The following ALOX15B variants were observed in gnomAD, a reference collection of about 807,000 sequenced individuals.
ALOX15B encodes the protein polyunsaturated fatty acid lipoxygenase ALOX15B.
Under a neutral mutation model 73.8 loss-of-function variants are expected in ALOX15B, and 74 were observed. That is an observed-to-expected ratio of 1.00 (90% CI 0.83 to 1.22). ALOX15B has a LOEUF of 1.22. Among genes scored for constraint, ALOX15B ranks in the 50% most tolerant of loss-of-function variants. ALOX15B has a pLI of 0.00. For missense variants in ALOX15B, 896 were observed against 859.9 expected, an observed-to-expected ratio of 1.04 and a Z score of -0.52; for synonymous variants, 353 against 357.2, an observed-to-expected ratio of 0.99 and a Z score of 0.13.
In ALOX15B at chr17:8,039,407, C is replaced by CTGCT; in HGVS notation, c.170_171insGCTT (p.Pro58LeufsTer108). On this transcript the variant is annotated frameshift_variant, in exon 2 of 14. Coordinates refer to ENST00000380183, the MANE Select transcript of ALOX15B (RefSeq NM_001141.3). LOFTEE classifies it high-confidence loss of function. ...TCAGGAGGAGGACTTCCAGGTGACG[C>CTGCT]TCCCGGAGGACGTAGGCCGAGTGCT... 1 of 1,612,952 alleles carries CTGCT rather than the reference C, an allele frequency of 6.2e-7. No individual in the cohort carries two copies. Among genetic ancestry groups the CTGCT allele is most frequent in the Non-Finnish European group, 8.5e-7 (1 of 1,179,530 alleles).
chr17:8,045,805 G>A, intron 8 of ALOX15B, 119 bp downstream of exon 8: 1 of 1,133,754 alleles, frequency 8.8e-7, no homozygotes, highest in South Asian at 1.5e-5. Context: ...GTCCGCTTCA[G>A]CAGCATCTCC....
At chr17:8,045,105 A>G (rs946725695) in intron 6 of ALOX15B, 104 bp downstream of exon 6, 1 of 1,584,356 alleles carries the variant, frequency 6.3e-7, no homozygotes, top group African/African-American at 1.3e-5. Flanking sequence ...TTAGGGACCT[A>G]CCGCGTGCTG....
chr17:8,040,269 C>T (rs1002282581), intron 3 of ALOX15B, among the ~76,000 whole-genome samples: 1 of 152,124 alleles, frequency 6.6e-6, no homozygotes, highest in Middle Eastern at 3.4e-3. Context: ...GGGCCAGGTG[C>T]CGTGGTGGCT....
intron 12 of ALOX15B, 35 bp downstream of exon 12, chr17:8,047,699 G>C (rs991437093): frequency 6.2e-7 from 1 of 1,613,746 alleles, no homozygotes; most frequent in Non-Finnish European, 8.5e-7. Flanking sequence ...TGGCAGGCTG[G>C]AGGTGACCCA....
intron 10 of ALOX15B, 31 bp from the exon 11 acceptor site, chr17:8,047,227 G>A (rs1363789605): frequency 3.1e-6 from 5 of 1,613,634 alleles, no homozygotes; most frequent in African/African-American, 2.7e-5. Context: ...GTCGGGGTTG[G>A]AGGCTGGACC....
At position 8,047,881 on chromosome 17, in the gene ALOX15B, CTCT is replaced by C; in HGVS notation, c.1818_1820del (p.Leu607del). On this transcript the variant is annotated inframe_deletion, in exon 13 of 14. Coordinates refer to ENST00000380183, the MANE Select transcript of ALOX15B (RefSeq NM_001141.3). Reference sequence around the variant, plus strand: ...AATGCCACATGTGATGTCATCCTTGCTCTCTGGTTGCTGAGCAAGGAGCCTGGA... The same window carrying C: ...AATGCCACATGTGATGTCATCCTTGCCTGGTTGCTGAGCAAGGAGCCTGGA... 3.1e-6 allele frequency: 5 copies of C among 1,614,194 alleles called. No individual in the cohort carries two copies. Among genetic ancestry groups the C allele is most frequent in the Non-Finnish European group, 4.2e-6 (5 of 1,180,022 alleles).
rs1437940320 is a variant in ALOX15B, at chr17:8,042,416, C to T, written c.497C>T (p.Thr166Ile). The change falls in exon 4 of 14, where the codon ACA becomes ATA. Residue 166 changes from threonine (T) to isoleucine (I), a missense_variant. Thr to Ile is a moderately conservative substitution (Grantham distance 89, BLOSUM62 -1). Coordinates refer to ENST00000380183, the MANE Select transcript of ALOX15B (RefSeq NM_001141.3). The stretch of plus-strand genomic sequence containing the variant: ...TGGCCTCACTGCCTGGATGAAAAGA[C>T]AGTGGAAGACTTGGAGCTCAATATC... ...PGWPHCLDEKTVEDLELNIKY... is the reference protein window; with the variant it reads ...PGWPHCLDEKIVEDLELNIKY... The T allele has an allele frequency of 6.2e-7, 1 of 1,614,144 alleles. No homozygotes were observed.
Position 8,047,748 on chromosome 17 carries a change from G to C in ALOX15B, c.1684G>C (p.Asp562His). The change falls in exon 13 of 14, where the codon GAC (aspartate) becomes CAC (histidine). Residue 562 changes from aspartate (D) to histidine (H), a missense_variant. By Grantham distance (81) the Asp-to-His change is moderately conservative (BLOSUM62 -1). Transcript: ENST00000380183. The part of the protein sequence containing the change: ...KHAAVSAGQF[D>H]SCAWMPNLPP... ...ATTCTGCCCTCTCGGCCTTCAGTTT[G>C]ACTCCTGTGCTTGGATGCCCAACCT... 6.2e-7 allele frequency: 1 copy of C among 1,614,136 alleles called. No individual in the cohort carries two copies. Among genetic ancestry groups the C allele is most frequent in the East Asian group, 2.2e-5 (1 of 44,880 alleles).
rs1419920620 is a variant in ALOX15B, at chr17:8,048,592, A to C, written c.*27A>C. The C allele has an allele frequency of 1.2e-6, 2 of 1,608,110 alleles. No homozygotes were observed. Among genetic ancestry groups the C allele is most frequent in the Non-Finnish European group, 1.7e-6 (2 of 1,176,544 alleles). ...TCCCAGGGGAACACAGGCCCAGATG[A>C]CATCCCTTTGACCACATCGCTCTAG... On this transcript the variant is annotated 3_prime_UTR_variant, in exon 14 of 14. Coordinates refer to ENST00000380183, the MANE Select transcript of ALOX15B (RefSeq NM_001141.3).
chr17:8,039,108 C>T lies in ALOX15B; in HGVS notation c.-48C>T, dbSNP rs1243517820. On this transcript the variant is annotated 5_prime_UTR_variant, in exon 1 of 14. Transcript: ENST00000380183. ...CCAGGCGTGTCCCAGGGGGGAGCCCCGCTCTGCAGCCCTGTGCGCCGTAGA... is the reference window on the plus strand; with the variant it reads ...CCAGGCGTGTCCCAGGGGGGAGCCCTGCTCTGCAGCCCTGTGCGCCGTAGA... 4 of 1,584,740 alleles carry T rather than the reference C, an allele frequency of 2.5e-6. No individual in the cohort carries two copies. Among genetic ancestry groups the T allele is most frequent in the Non-Finnish European group, 3.4e-6 (4 of 1,167,484 alleles).
intron 3 of ALOX15B, 132 bp downstream of exon 3, chr17:8,040,115 C>CTTT: frequency 1.2e-6 from 1 of 807,414 alleles, no homozygotes; most frequent in Non-Finnish European, 1.9e-6. Flanking sequence ...GGATCAGCAG[C>CTTT]GTCTACAGGA....
chr17:8,044,958 C>A lies in ALOX15B; in HGVS notation c.806C>A (p.Ala269Asp). The A allele has an allele frequency of 1.1e-5, 17 of 1,614,114 alleles. No individual in the cohort carries two copies. The highest frequency in any genetic ancestry group is 1.4e-5 in the Non-Finnish European group (17 of 1,180,012). ...KNFPVTDAMV[A>D]SVLGPGTSLQ... ...TTCCCCGTCACTGATGCCATGGTGG[C>A]CTCAGTGTTGGGTCCTGGGACCAGC... Residue 269 changes from alanine to aspartate, a missense_variant, in exon 6 of 14, where the codon GCC (alanine) becomes GAC (aspartate). Transcript: ENST00000380183.
Position 8,045,512 on chromosome 17 carries a change from C to T in ALOX15B, c.1026C>T (p.Pro342=), listed in dbSNP as rs1008341545. 1.9e-6 allele frequency: 3 copies of T among 1,614,108 alleles called. No individual in the cohort carries two copies. Among genetic ancestry groups the T allele is most frequent in the South Asian group, 1.1e-5 (1 of 91,084 alleles). ...GCCAGACCCCCGGCCCAAACAGCCC[C>T]ATCTTCCTGCCCACTGATGACAAGT... ...QLSQTPGPNS[P]IFLPTDDKWD... Residue 342 remains proline (P), a synonymous_variant, in exon 8 of 14, where the codon CCC becomes CCT. Coordinates refer to ENST00000380183, the MANE Select transcript of ALOX15B (RefSeq NM_001141.3).
chr17:8,042,601 C>T (rs72842909), intron 4 of ALOX15B, 110 bp downstream of exon 4: 97,439 of 1,479,446 alleles, frequency 0.066, 3,705 homozygotes, highest in East Asian at 0.14. Flanking sequence ...GTCACATAGT[C>T]CTGCCCAGGA....
At chr17:8,046,199 A>G (rs951532610) in intron 8 of ALOX15B, among the ~76,000 whole-genome samples, 16 of 152,176 alleles carry the variant, frequency 1.1e-4, no homozygotes, top group African/African-American at 3.4e-4. Context: ...ATCCTTCTAG[A>G]CTTCTCCTGG....
chr17:8,047,953 G>T (rs1976659153), intron 13 of ALOX15B, 38 bp downstream of exon 13: 1 of 1,602,890 alleles, frequency 6.2e-7, no homozygotes. Context: ...GGCCAAATTG[G>T]GGTAAGAGAG....
chr17:8,039,509 T>C lies in ALOX15B; in HGVS notation c.271T>C (p.Trp91Arg), dbSNP rs372064944. 1.3e-4 allele frequency: 205 copies of C among 1,565,012 alleles called. No individual in the cohort carries two copies. The highest frequency in any genetic ancestry group is 1.8e-4 in the Non-Finnish European group (203 of 1,158,288). Residue 91 changes from tryptophan to arginine, a missense_variant, in exon 2 of 14, where the codon TGG becomes CGG. By Grantham distance (101) the Trp-to-Arg change is moderately radical. Coordinates refer to ENST00000380183, the MANE Select transcript of ALOX15B (RefSeq NM_001141.3). ...PLAPDAWFCRWFQLTPPRGGH... is the reference protein window; with the variant it reads ...PLAPDAWFCRRFQLTPPRGGH... ...GGCCCCGGATGCCTGGTTCTGCCGCTGGTTCCAGCTGACACCGCCGCGGGG... is the reference window on the plus strand; with the variant it reads ...GGCCCCGGATGCCTGGTTCTGCCGCCGGTTCCAGCTGACACCGCCGCGGGG...
chr17:8,042,391 T>G lies in ALOX15B; in HGVS notation c.472T>G (p.Trp158Gly), dbSNP rs368244992. ...CAGGTGGAAGGCTTACAACCCAGGT[T>G]GGCCTCACTGCCTGGATGAAAAGAC... ...MYQWKAYNPG[W>G]PHCLDEKTVE... The change falls in exon 4 of 14, where the codon TGG (tryptophan) becomes GGG (glycine). Residue 158 changes from tryptophan to glycine, a missense_variant. Physicochemically the swap from Trp to Gly is radical, Grantham distance 184 (BLOSUM62 -2). Coordinates refer to ENST00000380183, the MANE Select transcript of ALOX15B (RefSeq NM_001141.3). 1.2e-6 allele frequency: 2 copies of G among 1,614,110 alleles called. No homozygotes were observed. Among genetic ancestry groups the G allele is most frequent in the East Asian group, 2.2e-5 (1 of 44,886 alleles).
intron 3 of ALOX15B, 93 bp downstream of exon 3, chr17:8,040,076 C>G (rs1976396172): frequency 8.5e-7 from 1 of 1,181,878 alleles, no homozygotes; most frequent in African/African-American, 1.5e-5. Context: ...AAGCCCCTGC[C>G]TCCACCTCTC....
Sources: allele counts gnomAD v4.1 joint callset (sites outside exome capture counted in the v4.1 genomes callset), GRCh38; gene constraint gnomAD v4.1.1; transcripts MANE v1.5; gene names NCBI Gene and HGNC (gene_info 2026-07-23, HGNC 2026-07-21).